The following FAM184B variants were observed in gnomAD, a reference collection of about 807,000 sequenced individuals.
The protein encoded by FAM184B is protein FAM184B.
FAM184B carries 111 observed loss-of-function variants against 135.9 expected under a neutral mutation model. That is an observed-to-expected ratio of 0.82 (90% CI 0.70 to 0.96). The LOEUF (loss-of-function observed/expected upper bound fraction) is 0.96. Among genes scored for constraint, FAM184B ranks in the 40% least tolerant of loss-of-function variants. The pLI, the probability that FAM184B is intolerant of heterozygous loss-of-function variation, is 0.00. For synonymous variants in FAM184B, 552 were observed against 524.8 expected, an observed-to-expected ratio of 1.05 and a Z score of -0.71; for missense variants, 1,375 against 1,323.9, an observed-to-expected ratio of 1.04 and a Z score of -0.60.
intron 1 of FAM184B, among the ~76,000 whole-genome samples, chr4:17,747,044 C>CAAA (rs11342758): frequency 9.1e-5 from 9 of 98,534 alleles, no homozygotes; most frequent in African/African-American, 3.7e-4. Flanking sequence ...GACTCCATCT[C>CAAA]AAAAAAAAAA....
chr4:17,696,183 G>A (rs1238079160), intron 5 of FAM184B, among the ~76,000 whole-genome samples: 2 of 152,204 alleles, frequency 1.3e-5, no homozygotes, highest in African/African-American at 4.8e-5. Flanking sequence ...AAGCCTTATT[G>A]TAAAGATAAA....
chr4:17,705,969 C>G, intron 3 of FAM184B, 78 bp from the exon 4 acceptor site: 1 of 1,522,612 alleles, frequency 6.6e-7, no homozygotes, highest in Non-Finnish European at 8.9e-7. Flanking sequence ...CTGTCAGGCC[C>G]CCGTTCCGCT....
chr4:17,780,585 G>A lies in FAM184B; in HGVS notation c.141+574C>T, dbSNP rs544785982. Among the ~76,000 whole-genome samples the A allele has an allele frequency of 1.1e-4, 16 of 152,114 alleles. No individual in the cohort carries two copies. The South Asian group carries it at 2.1e-3, about 20-fold the overall frequency. ...GAGGTGGGCTGGCTGACTTCCCTAGGTCCTTCCTAATCCCATAGTTATTTG... is the reference window on the plus strand; with the variant it reads ...GAGGTGGGCTGGCTGACTTCCCTAGATCCTTCCTAATCCCATAGTTATTTG... On this transcript the variant is annotated intron_variant, in intron 1 of 17. Coordinates refer to ENST00000265018, the MANE Select transcript of FAM184B (RefSeq NM_015688.2).
At chr4:17,670,953 A>G (rs997744721) in intron 7 of FAM184B, among the ~76,000 whole-genome samples, 5 of 152,234 alleles carry the variant, frequency 3.3e-5, no homozygotes, top group East Asian at 1.9e-4. Context: ...AAGTATCTGA[A>G]AAACTGCAAC....
At chr4:17,745,642 TG>T (rs529001397) in intron 1 of FAM184B, among the ~76,000 whole-genome samples, 105 of 152,320 alleles carry the variant, frequency 6.9e-4, no homozygotes, top group African/African-American at 2.3e-3. Context: ...TGCCTACTCC[TG>T]TTCTCTCCCT....
chr4:17,642,284 G>A, intron 12 of FAM184B, 56 bp from the exon 13 acceptor site: 1 of 1,420,496 alleles, frequency 7.0e-7, no homozygotes, highest in Non-Finnish European at 9.1e-7. Flanking sequence ...AGACAAGGCA[G>A]AAAGGGCCAG....
chr4:17,745,806 C>T (rs921225425), intron 1 of FAM184B, among the ~76,000 whole-genome samples: 2 of 152,120 alleles, frequency 1.3e-5, no homozygotes, highest in Non-Finnish European at 2.9e-5. Context: ...TTCTGGGGTC[C>T]CTTCTGGCTC....
rs199955562 is a variant in FAM184B, at chr4:17,744,730, A to AT, written c.142-35087_142-35086insA. On this transcript the variant is annotated intron_variant, in intron 1 of 17. Coordinates refer to ENST00000265018, the MANE Select transcript of FAM184B (RefSeq NM_015688.2). ...GCGAGACTCCATCTCAAAAAAAAAA[A>AT]AAGAAAAAAGAAAAAAGCCACCAAC... is the stretch of plus-strand genomic sequence containing the variant. Among the ~76,000 whole-genome samples, 1,225 of 152,124 alleles carry AT rather than the reference A, an allele frequency of 8.1e-3. 19 individuals carry two copies. Among genetic ancestry groups the AT allele is most frequent in the African/African-American group, 0.027 (1,121 of 41,518 alleles).
intron 10 of FAM184B, 82 bp downstream of exon 10, chr4:17,658,268 T>C (rs1190069308): frequency 8.2e-7 from 1 of 1,222,620 alleles, no homozygotes; most frequent in East Asian, 2.6e-5. Flanking sequence ...GGATGTCATG[T>C]AGAAAAGGGA....
intron 1 of FAM184B, among the ~76,000 whole-genome samples, chr4:17,764,570 A>G (rs1200079886): frequency 6.6e-6 from 1 of 152,232 alleles, no homozygotes; most frequent in Non-Finnish European, 1.5e-5. Context: ...GGTTCTAAAG[A>G]TGTAAAAAAC....
chr4:17,635,101 ATCT>A lies in FAM184B; in HGVS notation c.2794_2796del (p.Arg932del), dbSNP rs749576057. The A allele has an allele frequency of 4.6e-5, 72 of 1,551,420 alleles. No homozygotes were observed. Among genetic ancestry groups the A allele is most frequent in the Non-Finnish European group, 5.8e-5 (67 of 1,146,842 alleles). On this transcript the variant is annotated inframe_deletion, in exon 16 of 18. Transcript: ENST00000265018. ...GCACTGGGGAATGCTGCGTAGTGAAATCTTCTCTCTTCCTAGAAAACCAATACA... is the reference window on the plus strand; with the variant it reads ...GCACTGGGGAATGCTGCGTAGTGAAATCTCTCTTCCTAGAAAACCAATACA...
intron 13 of FAM184B, among the ~76,000 whole-genome samples, 185 bp downstream of exon 13, chr4:17,641,871 T>C (rs1035999403): frequency 6.6e-6 from 1 of 151,996 alleles, no homozygotes; most frequent in African/African-American, 2.4e-5. Context: ...CTGGGACTTT[T>C]CATGGGTCAG....
In FAM184B at chr4:17,709,486, G is replaced by A. The variant is rs566614857; in HGVS notation, c.300C>T (p.Arg100=). The change falls in exon 2 of 18, where the codon CGC becomes CGT. Residue 100 remains arginine, a synonymous_variant. Transcript: ENST00000265018. ...CCAGGGCGCTCTCCAGGGCCTGGAT[G>A]CGCTGTAGAAGGGCTTCCTCCTCTG... ...GCAEEEALLQ[R]IQALESALEL... 2 of 1,548,016 alleles carry A rather than the reference G, an allele frequency of 1.3e-6. No individual in the cohort carries two copies. Among genetic ancestry groups the A allele is most frequent in the African/African-American group, 1.4e-5 (1 of 73,072 alleles).
chr4:17,729,364 C>T (rs1717718911), intron 1 of FAM184B, among the ~76,000 whole-genome samples: 1 of 152,226 alleles, frequency 6.6e-6, no homozygotes, highest in Non-Finnish European at 1.5e-5. Context: ...CCTCTGCAGA[C>T]TTAAATGTCC....
At chr4:17,688,302 G>A (rs1716638372) in intron 7 of FAM184B, 122 bp downstream of exon 7, 4 of 659,646 alleles carry the variant, frequency 6.1e-6, no homozygotes, top group Admixed American at 7.3e-5. Context: ...CGGGCATTTT[G>A]GCAGTGTCGA....
rs527602192 is a variant in FAM184B, at chr4:17,733,242, T to C, written c.142-23598A>G. On this transcript the variant is annotated intron_variant, in intron 1 of 17. Coordinates refer to ENST00000265018, the MANE Select transcript of FAM184B (RefSeq NM_015688.2). ...CACAGCCAATATCATACTGAATGGG[T>C]AAAAACTGGAAGCATTCCCTTTGAA... 8.7e-3 allele frequency among the ~76,000 whole-genome samples: 1,328 copies of C among 152,006 alleles called. 16 individuals carry two copies. Among genetic ancestry groups the C allele is most frequent in the African/African-American group, 0.03 (1,223 of 41,416 alleles).
At chr4:17,676,630 T>C (rs1716314716) in intron 7 of FAM184B, among the ~76,000 whole-genome samples, 3 of 152,206 alleles carry the variant, frequency 2.0e-5, no homozygotes, top group African/African-American at 7.2e-5. Flanking sequence ...ATTGTGGTGG[T>C]CTAGAACTGA....
chr4:17,641,398 C>G (rs1461230861), intron 13 of FAM184B, among the ~76,000 whole-genome samples: 1 of 146,368 alleles, frequency 6.8e-6, no homozygotes, highest in Non-Finnish European at 1.5e-5. Context: ...TTTGATGACA[C>G]TTTTGGTCCA....
In FAM184B at chr4:17,632,809, A is replaced by C. The variant is rs1263815399; in HGVS notation, c.3090-184T>G. ...GATGGGGCTGGGGAGGGAGTACCTAATCCTCATTTGGAAAACAGAAGGTTC... is the reference window on the plus strand; with the variant it reads ...GATGGGGCTGGGGAGGGAGTACCTACTCCTCATTTGGAAAACAGAAGGTTC... On this transcript the variant is annotated intron_variant, in intron 17 of 17. Coordinates refer to ENST00000265018, the MANE Select transcript of FAM184B (RefSeq NM_015688.2). 8 of 514,090 alleles carry C rather than the reference A, an allele frequency of 1.6e-5. No individual in the cohort carries two copies. In the East Asian group the frequency reaches 2.3e-4, roughly 15 times the overall value. The allele number at this position is 514,090 out of a possible 1,614,324, so 31.8% of individuals were successfully genotyped here.
Sources: gnomAD v4.1 joint callset for allele counts (sites outside exome capture counted in the v4.1 genomes callset) on GRCh38, gnomAD v4.1.1 for gene constraint, MANE v1.5 for transcripts, NCBI Gene and HGNC (gene_info 2026-07-23, HGNC 2026-07-21) for gene names.